HOPX: variants seen among roughly 807,000 people sequenced by gnomAD.
The protein encoded by HOPX is homeodomain-only protein.
In HOPX, 5 loss-of-function variants were observed where a neutral mutation model predicts 11.8. The observed-to-expected ratio is 0.43, with a 90% CI of 0.22 to 0.89. HOPX has a LOEUF of 0.89. Ranked by LOEUF, HOPX falls within the 40% of genes least tolerant of loss-of-function variation. The pLI, the probability that HOPX is intolerant of heterozygous loss-of-function variation, is 0.28. For missense variants in HOPX, 119 were observed against 120.0 expected, an observed-to-expected ratio of 0.99 and a Z score of 0.04; for synonymous variants, 49 against 49.7, an observed-to-expected ratio of 0.99 and a Z score of 0.06.
At chr4:56,651,878 G>GTA (rs1560360824) in intron 3 of HOPX, among the ~76,000 whole-genome samples, 1 of 107,478 alleles carries the variant, frequency 9.3e-6, no homozygotes, top group East Asian at 3.8e-4. Context: ...GAGAGAGTGT[G>GTA]TGTGTGTGTG....
intron 3 of HOPX, among the ~76,000 whole-genome samples, chr4:56,655,407 C>A (rs1717589692): frequency 6.6e-6 from 1 of 152,194 alleles, no homozygotes; most frequent in African/African-American, 2.4e-5. Context: ...GCTAGCTGGT[C>A]TCTGGGGCGC....
intron 3 of HOPX, among the ~76,000 whole-genome samples, chr4:56,651,717 G>A (rs565422265): frequency 2.6e-5 from 4 of 152,146 alleles, no homozygotes; most frequent in African/African-American, 4.8e-5. Context: ...TTATTCCACC[G>A]ATAAAACATC....
At position 56,648,548 on chromosome 4, in the gene HOPX, T is replaced by C. The variant is rs1478591524; in HGVS notation, c.*172A>G. 3 of 458,794 alleles carry C rather than the reference T, an allele frequency of 6.5e-6. No individual in the cohort carries two copies. The highest frequency in any genetic ancestry group is 6.2e-5 in the East Asian group (2 of 32,286). 28.4% of individuals were successfully genotyped at this position (458,794 alleles called of 1,614,324 possible). A position where few individuals can be genotyped will look rare whatever the true frequency, so the allele number is the denominator to read the frequency against. On this transcript the variant is annotated 3_prime_UTR_variant, in exon 4 of 4. Coordinates refer to ENST00000420433, the MANE Select transcript of HOPX (RefSeq NM_032495.6). ...TACACATAGCTTCCTATTGTTATTTTCTTTTCTAATTATGTACATTTAGAA... is the reference window on the plus strand; with the variant it reads ...TACACATAGCTTCCTATTGTTATTTCCTTTTCTAATTATGTACATTTAGAA...
At chr4:56,674,916 T>TAAAAAAAAA (rs33940899) in intron 1 of HOPX, among the ~76,000 whole-genome samples, 1 of 121,748 alleles carries the variant, frequency 8.2e-6, no homozygotes. Flanking sequence ...TCTGGCTAAC[T>TAAAAAAAAA]AAAAAAAAAA....
chr4:56,650,743 G>A, intron 3 of HOPX: 1 of 1,551,424 alleles, frequency 6.4e-7, no homozygotes, highest in Non-Finnish European at 8.7e-7. Flanking sequence ...AGACTATCAT[G>A]GGGGTAGCCT....
chr4:56,650,349 T>A (rs1196491161), intron 3 of HOPX: 2 of 197,990 alleles, frequency 1.0e-5, no homozygotes, highest in African/African-American at 2.3e-5. Context: ...GGAGATGGGA[T>A]GGTGAGAAAC....
intron 1 of HOPX, among the ~76,000 whole-genome samples, chr4:56,669,982 G>C (rs1239347648): frequency 6.6e-6 from 1 of 152,012 alleles, no homozygotes; most frequent in Non-Finnish European, 1.5e-5. Context: ...TTAAAGGCAA[G>C]AGGAAAATAG....
In HOPX at chr4:56,675,459, C is replaced by T. The variant is rs1404169487; in HGVS notation, c.-84+5796G>A. On this transcript the variant is annotated intron_variant, in intron 1 of 3. Transcript: ENST00000420433. ...GACAATGAATCTTTCAGGCTCACAG[C>T]TGCTTCAAAATTCCATTACAGCTGA... Among the ~76,000 whole-genome samples, 3 of 151,700 alleles carry T rather than the reference C, an allele frequency of 2.0e-5. 1 individual carries two copies. Among genetic ancestry groups the T allele is most frequent in the African/African-American group, 7.3e-5 (3 of 40,956 alleles).
At chr4:56,674,185 T>C (rs527461067) in intron 1 of HOPX, among the ~76,000 whole-genome samples, 1 of 151,812 alleles carries the variant, frequency 6.6e-6, no homozygotes, top group South Asian at 2.1e-4. Flanking sequence ...CCAAAGATGC[T>C]AGTCTATGTC....
At chr4:56,650,540 G>T in intron 3 of HOPX, 1 of 793,024 alleles carries the variant, frequency 1.3e-6, no homozygotes, top group Admixed American at 2.6e-5. Context: ...CTTGAATGGG[G>T]GTAAGGCTCT....
rs145623002 is a variant in HOPX at position 56,661,275 on chromosome 4, C to T, written c.-83-3376G>A. On this transcript the variant is annotated intron_variant, in intron 1 of 3. Coordinates refer to ENST00000420433, the MANE Select transcript of HOPX (RefSeq NM_032495.6). ...GTTTCCAGAACAAATCCACATTCTG[C>T]GTATAGAGAAGTTCGTTCATATTCA... Among the ~76,000 whole-genome samples, 334 of 152,240 alleles carry T rather than the reference C, an allele frequency of 2.2e-3. 1 individual carries two copies. Among genetic ancestry groups the T allele is most frequent in the African/African-American group, 7.6e-3 (316 of 41,544 alleles).
chr4:56,672,062 T>A (rs1718762126), intron 1 of HOPX, among the ~76,000 whole-genome samples: 1 of 152,070 alleles, frequency 6.6e-6, no homozygotes, highest in African/African-American at 2.4e-5. Flanking sequence ...TGACTCAGGA[T>A]ATAATTGGGC....
At chr4:56,673,300 G>A (rs967020341) in intron 1 of HOPX, among the ~76,000 whole-genome samples, 5 of 152,128 alleles carry the variant, frequency 3.3e-5, no homozygotes. Flanking sequence ...GAGAGTGGGA[G>A]AGCAGGAGAA....
At chr4:56,676,961 G>C (rs1245071464) in intron 1 of HOPX, among the ~76,000 whole-genome samples, 1 of 151,766 alleles carries the variant, frequency 6.6e-6, no homozygotes, top group Non-Finnish European at 1.5e-5. Flanking sequence ...ACTGGGAGGG[G>C]GTGGGGGGGC....
intron 2 of HOPX, 117 bp from the exon 3 acceptor site, chr4:56,656,129 G>T: frequency 8.1e-7 from 1 of 1,237,104 alleles, no homozygotes; most frequent in East Asian, 3.4e-5. Context: ...CCCCTCCAGC[G>T]GTGCCACGGC....
At chr4:56,679,904 C>T (rs1290832803) in intron 1 of HOPX, 2 of 152,204 alleles carry the variant, frequency 1.3e-5, no homozygotes. Flanking sequence ...ATTTCAAGCT[C>T]TTTGAGAACA....
intron 1 of HOPX, among the ~76,000 whole-genome samples, chr4:56,670,326 T>A (rs62309874): frequency 0.079 from 12,016 of 152,202 alleles, 569 homozygotes; most frequent in Non-Finnish European, 0.11. Flanking sequence ...AATGTCCTAA[T>A]ACACCAAGAA....
At chr4:56,678,363 A>G (rs1578367502) in intron 1 of HOPX, among the ~76,000 whole-genome samples, 1 of 150,892 alleles carries the variant, frequency 6.6e-6, no homozygotes, top group Non-Finnish European at 1.5e-5. Context: ...CACCTGGGGA[A>G]CTTTAAAAAC....
intron 3 of HOPX, among the ~76,000 whole-genome samples, chr4:56,651,873 A>AGTGTGTGT (rs796685500): frequency 1.8e-3 from 251 of 136,730 alleles, no homozygotes; most frequent in Admixed American, 4.2e-3. Context: ...AGAGAGAGAG[A>AGTGTGTGT]GTGTGTGTGT....
Sources: gnomAD v4.1 joint callset for allele counts (sites outside exome capture counted in the v4.1 genomes callset) on GRCh38, gnomAD v4.1.1 for gene constraint, MANE v1.5 for transcripts, NCBI Gene and HGNC (gene_info 2026-07-23, HGNC 2026-07-21) for gene names.